CACNB4: variants seen among roughly 807,000 people sequenced by gnomAD.
The protein encoded by CACNB4 is calcium voltage-gated channel auxiliary subunit beta 4, also known as voltage-dependent L-type calcium channel subunit beta-4.
A neutral mutation model predicts 71.2 loss-of-function variants in CACNB4; 32 were observed. The ratio of observed to expected loss-of-function variants is 0.45; its 90% confidence interval spans 0.34 to 0.60. The LOEUF is 0.60. Ranked by LOEUF, CACNB4 falls within the 20% of genes least tolerant of loss-of-function variation. CACNB4 has a pLI of 0.01. For synonymous variants in CACNB4, 231 were observed against 236.9 expected, an observed-to-expected ratio of 0.97 and a Z score of 0.23; for missense variants, 464 against 647.9, an observed-to-expected ratio of 0.72 and a Z score of 3.08.
At chr2:151,912,994 T>G (rs1263837293) in intron 2 of CACNB4, among the ~76,000 whole-genome samples, 1 of 152,238 alleles carries the variant, frequency 6.6e-6, no homozygotes, top group Non-Finnish European at 1.5e-5. Context: ...TTGCAACCCC[T>G]GCTTTTTTTT....
At chr2:151,948,446 G>A (rs917023939) in intron 2 of CACNB4, among the ~76,000 whole-genome samples, 11 of 152,128 alleles carry the variant, frequency 7.2e-5, no homozygotes, top group African/African-American at 2.7e-4. Flanking sequence ...GATTGGTTGA[G>A]CCCAGGAGTT....
intron 9 of CACNB4, among the ~76,000 whole-genome samples, chr2:151,862,971 T>C (rs1448108183): frequency 2.0e-5 from 3 of 152,138 alleles, no homozygotes; most frequent in Admixed American, 6.5e-5. Context: ...CACACCTGAC[T>C]TTCTATTACT....
At chr2:151,894,598 T>C (rs975464463) in intron 2 of CACNB4, among the ~76,000 whole-genome samples, 5 of 152,120 alleles carry the variant, frequency 3.3e-5, no homozygotes, top group Non-Finnish European at 7.3e-5. Flanking sequence ...GGCATCCAGA[T>C]GGAAATCAGA....
Position 152,058,803 on chromosome 2 carries a change from T to G in CACNB4, c.147+39527A>C, listed in dbSNP as rs115037545. Among the ~76,000 whole-genome samples, 601 of 152,350 alleles carry G rather than the reference T, an allele frequency of 3.9e-3. 1 individual carries two copies. The highest frequency in any genetic ancestry group is 6.2e-3 in the Non-Finnish European group (423 of 68,034). On this transcript the variant is annotated intron_variant, in intron 2 of 13. Coordinates refer to ENST00000539935, the MANE Select transcript of CACNB4 (RefSeq NM_000726.5). ...ATGTCTCCAGGGTATGTCAGAGACC[T>G]TCACAGTGGCCCCTCCCATCACAGG...
chr2:151,988,775 A>T (rs1021607314), intron 2 of CACNB4, among the ~76,000 whole-genome samples: 1 of 152,086 alleles, frequency 6.6e-6, no homozygotes, highest in African/African-American at 2.4e-5. Context: ...CTCCTGGCCC[A>T]ATCACCTCCC....
chr2:151,849,804 T>G (rs6433680), intron 12 of CACNB4, among the ~76,000 whole-genome samples: 21,588 of 152,128 alleles, frequency 0.14, 2,500 homozygotes, highest in East Asian at 0.49. Flanking sequence ...GACTGAGTTT[T>G]GGGGATTATT....
intron 2 of CACNB4, among the ~76,000 whole-genome samples, chr2:152,088,836 T>C: frequency 6.6e-6 from 1 of 152,220 alleles, no homozygotes; most frequent in Admixed American, 6.5e-5. Context: ...AGGCGCATGT[T>C]TACTCTACTA....
chr2:151,984,222 G>C lies in CACNB4; in HGVS notation c.148-100852C>G, dbSNP rs186880631. Among the ~76,000 whole-genome samples, 6 of 152,236 alleles carry C rather than the reference G, an allele frequency of 3.9e-5. No individual in the cohort carries two copies. In the East Asian group the frequency reaches 1.2e-3, roughly 29 times the overall value. ...TTGGAAATGTTGACATGCAACGAAAGAGATACTAACAAACACAAACAGTCC... is the reference window on the plus strand; with the variant it reads ...TTGGAAATGTTGACATGCAACGAAACAGATACTAACAAACACAAACAGTCC... On this transcript the variant is annotated intron_variant, in intron 2 of 13. Transcript: ENST00000539935.
At chr2:151,887,590 C>T (rs1015366021) in intron 2 of CACNB4, among the ~76,000 whole-genome samples, 2 of 152,252 alleles carry the variant, frequency 1.3e-5, no homozygotes, top group African/African-American at 4.8e-5. Context: ...AATGTAAGGG[C>T]TTCTTCTCAT....
intron 2 of CACNB4, among the ~76,000 whole-genome samples, chr2:152,089,101 A>G (rs559870257): frequency 2.0e-5 from 3 of 152,316 alleles, no homozygotes; most frequent in South Asian, 4.1e-4. Flanking sequence ...CACATGGTTA[A>G]ATCCATGTGA....
intron 9 of CACNB4, chr2:151,861,842 C>CAAAAAAAAAAAAAAAAAAAAAAAAA (rs35080979): frequency 1.6e-4 from 10 of 61,890 alleles, no homozygotes; most frequent in African/African-American, 4.6e-4. Flanking sequence ...GACCCTGTCT[C>CAAAAAAAAAAAAAAAAAAAAAAAAA]AAAAAAAAAA....
chr2:151,884,366 G>A (rs539400232), intron 2 of CACNB4, among the ~76,000 whole-genome samples: 18 of 150,484 alleles, frequency 1.2e-4, no homozygotes, highest in Non-Finnish European at 2.1e-4. Context: ...GCTCACGCCT[G>A]TAATCTCAGC....
intron 10 of CACNB4, 41 bp from the exon 11 acceptor site, chr2:151,855,416 G>A (rs920240068): frequency 7.0e-7 from 1 of 1,429,450 alleles, no homozygotes; most frequent in Admixed American, 1.8e-5. Context: ...TTATTGTTAT[G>A]AATTAGTTCT....
At chr2:151,902,689 A>G (rs1183500433) in intron 2 of CACNB4, among the ~76,000 whole-genome samples, 1 of 106,664 alleles carries the variant, frequency 9.4e-6, no homozygotes, top group African/African-American at 2.5e-5. Flanking sequence ...GTCTTAATTT[A>G]TATTTTCTCT....
rs765848806 is a variant in CACNB4 at position 151,883,310 on chromosome 2, G to T, written c.208C>A (p.Arg70=). ...TCTCTCTCCTGTCGAATTGCTTCCC[G>T]GTCCTCTTCCAAAGAGACATCGGAG... is the stretch of plus-strand genomic sequence containing the variant. ...SDSDVSLEED[R]EAIRQEREQQ... The change falls in exon 3 of 14, where the codon CGG becomes AGG. Residue 70 remains arginine (R), a synonymous_variant. Coordinates refer to ENST00000539935, the MANE Select transcript of CACNB4 (RefSeq NM_000726.5). 3 of 1,613,610 alleles carry T rather than the reference G, an allele frequency of 1.9e-6. No homozygotes were observed. Among genetic ancestry groups the T allele is most frequent in the South Asian group, 2.2e-5 (2 of 91,072 alleles).
chr2:151,843,842 G>A (rs2099836867), intron 12 of CACNB4, among the ~76,000 whole-genome samples: 1 of 152,164 alleles, frequency 6.6e-6, no homozygotes. Flanking sequence ...AAGGACTCCT[G>A]AAGCAGAAGT....
chr2:152,062,044 AATAATG>A (rs1438191708), intron 2 of CACNB4, among the ~76,000 whole-genome samples: 1 of 146,390 alleles, frequency 6.8e-6, no homozygotes, highest in African/African-American at 2.6e-5. Flanking sequence ...TAATAATAAT[AATAATG>A]ATTAGGAATG....
chr2:152,069,737 A>G (rs959182738), intron 2 of CACNB4, among the ~76,000 whole-genome samples: 1 of 151,986 alleles, frequency 6.6e-6, no homozygotes, highest in African/African-American at 2.4e-5. Context: ...TTGCAGGGCC[A>G]GGCACTCCAG....
intron 2 of CACNB4, among the ~76,000 whole-genome samples, chr2:152,035,715 G>T (rs909138406): frequency 3.4e-5 from 5 of 147,224 alleles, no homozygotes; most frequent in African/African-American, 1.3e-4. Flanking sequence ...GATTGTCCTT[G>T]TTAGACAAAC....
Sources: allele counts gnomAD v4.1 joint callset (sites outside exome capture counted in the v4.1 genomes callset), GRCh38; gene constraint gnomAD v4.1.1; transcripts MANE v1.5; gene names NCBI Gene and HGNC (gene_info 2026-07-23, HGNC 2026-07-21).